Variants in TAF12 observed in about 807,000 individuals in gnomAD.
TAF12 encodes TATA-box binding protein associated factor 12, also known as transcription initiation factor TFIID subunit 12.
Under a neutral mutation model 20.8 loss-of-function variants are expected in TAF12, and 3 were observed. The ratio of observed to expected loss-of-function variants is 0.14; its 90% CI spans 0.07 to 0.37. The LOEUF (loss-of-function observed/expected upper bound fraction) is 0.37. Ranked by LOEUF, TAF12 falls within the 10% of genes least tolerant of loss-of-function variation. TAF12 has a pLI of 1.00. For synonymous variants in TAF12, 69 were observed against 70.2 expected, an observed-to-expected ratio of 0.98 and a Z score of 0.09; for missense variants, 131 against 197.9, an observed-to-expected ratio of 0.66 and a Z score of 2.03.
chr1:28,633,079 G>A (rs1006174663), intron 1 of TAF12, among the ~76,000 whole-genome samples: 2 of 150,860 alleles, frequency 1.3e-5, no homozygotes, highest in African/African-American at 2.4e-5. Flanking sequence ...TAGACTGGTC[G>A]CGAACTCCTG....
At position 28,621,831 on chromosome 1, in the gene TAF12, G is replaced by C. The variant is rs1667229766; in HGVS notation, c.168+83C>G. 2.2e-5 allele frequency: 34 copies of C among 1,529,380 alleles called. 1 individual carries two copies. The South Asian group carries it at 4.3e-4, about 19-fold the overall frequency. 94.7% of individuals were successfully genotyped at this position (1,529,380 alleles called of 1,614,324 possible). On this transcript the variant is annotated intron_variant, in intron 2 of 5. Transcript: ENST00000373824. ...CGGCTAAGAGAAAAAAGCAGCATCT[G>C]AGATGGACATCTCTTAAAGTATTAC...
At chr1:28,646,741 C>A (rs1427590653), upstream of TAF12, among the ~76,000 whole-genome samples, 1 of 149,032 alleles carries the variant, frequency 6.7e-6, no homozygotes, top group African/African-American at 2.5e-5. Flanking sequence ...CTCTGTCGCC[C>A]AGGCTGGAGT....
intron 4 of TAF12, among the ~76,000 whole-genome samples, chr1:28,611,703 A>G (rs1003176405): frequency 2.6e-5 from 4 of 152,148 alleles, no homozygotes; most frequent in African/African-American, 9.7e-5. Context: ...CAGAGGAAGC[A>G]TGACCCTGCT....
At chr1:28,614,863 G>A (rs1449612308) in intron 3 of TAF12, among the ~76,000 whole-genome samples, 3 of 152,114 alleles carry the variant, frequency 2.0e-5, no homozygotes, top group Non-Finnish European at 2.9e-5. Context: ...CCACCACTTC[G>A]GGAGGCCGAG....
chr1:28,637,724 AT>A (rs1269878005), intron 1 of TAF12, among the ~76,000 whole-genome samples: 2 of 152,138 alleles, frequency 1.3e-5, no homozygotes, highest in Non-Finnish European at 2.9e-5. Flanking sequence ...TCTGACTTAA[AT>A]TAAGTCCATA....
intron 1 of TAF12, among the ~76,000 whole-genome samples, chr1:28,640,693 T>C (rs1211821108): frequency 1.3e-5 from 2 of 152,142 alleles, no homozygotes; most frequent in African/African-American, 2.4e-5. Context: ...AAAGCAGCCA[T>C]CCCTAGTAAA....
chr1:28,612,740 G>A (rs1666908880), intron 4 of TAF12, among the ~76,000 whole-genome samples: 1 of 151,692 alleles, frequency 6.6e-6, no homozygotes, highest in South Asian at 2.1e-4. Flanking sequence ...AAGTAGAAAA[G>A]GAGACTATAA....
chr1:28,610,186 C>T (rs561157568), intron 4 of TAF12, among the ~76,000 whole-genome samples: 92 of 152,080 alleles, frequency 6.0e-4, no homozygotes, highest in African/African-American at 2.1e-3. Flanking sequence ...CCATCTTGGC[C>T]AGGCTGGTCT....
chr1:28,609,674 A>G (rs143622575), intron 4 of TAF12, among the ~76,000 whole-genome samples: 80 of 150,854 alleles, frequency 5.3e-4, no homozygotes, highest in African/African-American at 1.8e-3. Context: ...TTTGGTAGAG[A>G]TGGGGTTTCA....
chr1:28,615,075 C>T (rs1163329544), intron 3 of TAF12, among the ~76,000 whole-genome samples: 1 of 152,054 alleles, frequency 6.6e-6, no homozygotes, highest in African/African-American at 2.4e-5. Flanking sequence ...TGGCACGGCA[C>T]TCCAGCCTAG....
chr1:28,642,866 G>C, intron 1 of TAF12, 126 bp downstream of exon 1: 1 of 985,954 alleles, frequency 1.0e-6, no homozygotes, highest in Non-Finnish European at 1.2e-6. Flanking sequence ...CCCTTCCCAA[G>C]AGCCTGAATC....
chr1:28,623,800 G>T (rs958578864), intron 1 of TAF12: 2 of 197,604 alleles, frequency 1.0e-5, no homozygotes, highest in Admixed American at 6.5e-5. Flanking sequence ...AGCAATCTAA[G>T]TACATGCAGA....
chr1:28,626,573 C>A (rs1667402991), intron 1 of TAF12, among the ~76,000 whole-genome samples: 1 of 138,738 alleles, frequency 7.2e-6, no homozygotes, highest in Non-Finnish European at 1.5e-5. Flanking sequence ...AAGAGTGAAA[C>A]TCTGTCTCAA....
intron 4 of TAF12, among the ~76,000 whole-genome samples, chr1:28,611,150 C>T (rs540042119): frequency 1.3e-5 from 2 of 151,640 alleles, no homozygotes; most frequent in Non-Finnish European, 2.9e-5. Flanking sequence ...AGCTGCTTAG[C>T]TGCCACATAA....
chr1:28,618,092 C>A, intron 2 of TAF12, 62 bp from the exon 3 acceptor site: 2 of 1,455,362 alleles, frequency 1.4e-6, no homozygotes, highest in Non-Finnish European at 1.9e-6. Flanking sequence ...AAATCATTAC[C>A]CTGTAATGAA....
In TAF12 at chr1:28,603,348, G is replaced by A. The variant is rs968960232; in HGVS notation, c.*191C>T. ...TTTGAGATGGCAGGGAAAAGGGACCGGAAGTTGGGGTAGGAGGCTTTATTC... is the reference window on the plus strand; with the variant it reads ...TTTGAGATGGCAGGGAAAAGGGACCAGAAGTTGGGGTAGGAGGCTTTATTC... On this transcript the variant is annotated 3_prime_UTR_variant, in exon 6 of 6. Transcript: ENST00000373824. 64 of 567,074 alleles carry A rather than the reference G, an allele frequency of 1.1e-4. 1 individual carries two copies. The Middle Eastern group carries it at 1.8e-3, about 16-fold the overall frequency. 35.1% of individuals were successfully genotyped at this position (567,074 alleles called of 1,614,324 possible).
chr1:28,631,208 A>G (rs771181475), intron 1 of TAF12, among the ~76,000 whole-genome samples: 11 of 151,718 alleles, frequency 7.3e-5, no homozygotes, highest in Non-Finnish European at 1.2e-4. Flanking sequence ...CAATAAGAAA[A>G]TAACAACCCA....
intron 1 of TAF12, among the ~76,000 whole-genome samples, chr1:28,630,466 C>T (rs528276453): frequency 1.5e-4 from 23 of 151,734 alleles, no homozygotes; most frequent in Non-Finnish European, 2.5e-4. Flanking sequence ...GCAGGAGAAT[C>T]GCTTGAACCC....
intron 1 of TAF12, chr1:28,642,550 G>T (rs916377278): frequency 1.0e-5 from 8 of 788,320 alleles, no homozygotes; most frequent in South Asian, 5.8e-5. Context: ...TGCCCCTCAG[G>T]AACCTAAGTC....
Sources: allele counts gnomAD v4.1 joint callset (sites outside exome capture counted in the v4.1 genomes callset), GRCh38; gene constraint gnomAD v4.1.1; transcripts MANE v1.5; gene names NCBI Gene and HGNC (gene_info 2026-07-23, HGNC 2026-07-21).